Variants in ACSL4 observed in about 807,000 individuals in gnomAD.
The protein encoded by ACSL4 is acyl-CoA synthetase long chain family member 4, also known as long-chain-fatty-acid--CoA ligase 4.
Under a neutral mutation model 49.1 loss-of-function variants are expected in ACSL4, and 9 were observed. The observed-to-expected ratio is 0.18, with a 90% CI of 0.11 to 0.32. The LOEUF (loss-of-function observed/expected upper bound fraction) is 0.32. Ranked by LOEUF, ACSL4 falls within the 10% of genes least tolerant of loss-of-function variation. The pLI is 1.00. For missense variants in ACSL4, 333 were observed against 493.7 expected (o/e 0.67, Z 3.08); for synonymous variants, 191 against 170.3 (o/e 1.12, Z -0.95).
chrX:109,674,532 T>A, intron 8 of ACSL4, 59 bp from the exon 9 acceptor site: 1 of 837,400 alleles, frequency 1.2e-6, no homozygotes, highest in African/African-American at 2.0e-5. Flanking sequence ...ATGTTGTAAT[T>A]CAAGTATTAA....
chrX:109,651,274 A>G, intron 15 of ACSL4, among the ~76,000 whole-genome samples: 1 of 111,833 alleles, frequency 8.9e-6, no homozygotes, highest in Middle Eastern at 4.6e-3. Flanking sequence ...AGAAGCAAAC[A>G]TTCGCACATT....
intron 15 of ACSL4, among the ~76,000 whole-genome samples, chrX:109,645,090 G>T (rs1934604246): frequency 8.9e-6 from 1 of 112,148 alleles, no homozygotes; most frequent in Non-Finnish European, 1.9e-5. Context: ...CAGGGAGGCT[G>T]GGGGAGGGGC....
intron 1 of ACSL4, among the ~76,000 whole-genome samples, chrX:109,710,363 C>T (rs1224429872): frequency 6.2e-5 from 7 of 112,041 alleles, no homozygotes; most frequent in African/African-American, 1.3e-4. Context: ...TCATATACGA[C>T]GGGCAAGTAA....
At position 109,647,007 on chromosome X, in the gene ACSL4, A is replaced by G. The variant is rs1288869474; in HGVS notation, c.1856-2821T>C. 2.7e-5 allele frequency among the ~76,000 whole-genome samples: 3 copies of G among 111,926 alleles called. No individual in the cohort carries two copies. The Admixed American group carries it at 2.8e-4, about 11-fold the overall frequency. The stretch of plus-strand genomic sequence containing the variant: ...ATATATATGCACCTAATACAGGAGC[A>G]CCTAGATTCACAAAGCAAGTCGTGA... On this transcript the variant is annotated intron_variant, in intron 15 of 15. Transcript: ENST00000672401.
chrX:109,689,418 C>A (rs777694102), intron 2 of ACSL4, among the ~76,000 whole-genome samples: 1 of 111,992 alleles, frequency 8.9e-6, no homozygotes, highest in Non-Finnish European at 1.9e-5. Context: ...TGCTCAAAAT[C>A]TTTCAAAGAA....
chrX:109,718,819 CTT>C lies in ACSL4; in HGVS notation c.-66+14318_-66+14319del, dbSNP rs775338856. Among the ~76,000 whole-genome samples, 428 of 110,548 alleles carry C rather than the reference CTT, an allele frequency of 3.9e-3. 3 individuals are homozygous for C. The highest frequency in any genetic ancestry group is 7.1e-3 in the Non-Finnish European group (374 of 52,850). ...TACAATTTGTTGTTTAAATATGTCTCTTAAGTACAGACTAGATCTCAGATTAT... is the reference window on the plus strand; with the variant it reads ...TACAATTTGTTGTTTAAATATGTCTCAAGTACAGACTAGATCTCAGATTAT... On this transcript the variant is annotated intron_variant, in intron 1 of 15. Transcript: ENST00000672401.
intron 15 of ACSL4, among the ~76,000 whole-genome samples, chrX:109,651,287 T>TA (rs1315264678): frequency 1.8e-5 from 2 of 111,778 alleles, no homozygotes; most frequent in Non-Finnish European, 3.8e-5. Flanking sequence ...CGCACATTTT[T>TA]AAAAACTACT....
rs140611668 is a variant in ACSL4, at chrX:109,702,634, T to C, written c.-65-6438A>G. On this transcript the variant is annotated intron_variant, in intron 1 of 15. Transcript: ENST00000672401. ...AAAGAACCAGAGCTCTTTGGAGCAG[T>C]TGATTACGGGGCTGAGGCAGGAAAT... is the stretch of plus-strand genomic sequence containing the variant. Among the ~76,000 whole-genome samples, 398 of 112,145 alleles carry C rather than the reference T, an allele frequency of 3.5e-3. 2 individuals carry two copies. Among genetic ancestry groups the C allele is most frequent in the Admixed American group, 7.5e-3 (79 of 10,526 alleles).
At chrX:109,698,664 A>G (rs1925636548) in intron 1 of ACSL4, among the ~76,000 whole-genome samples, 1 of 111,910 alleles carries the variant, frequency 8.9e-6, no homozygotes, top group Non-Finnish European at 1.9e-5. Context: ...AGGGTTTATC[A>G]TCTTACAATT....
At chrX:109,674,526 T>C (rs1923523821) in intron 8 of ACSL4, 53 bp from the exon 9 acceptor site, 2 of 888,231 alleles carry the variant, frequency 2.3e-6, no homozygotes, top group Admixed American at 4.7e-5. Context: ...TAAAACATGT[T>C]GTAATTCAAG....
chrX:109,661,517 C>A lies in ACSL4; in HGVS notation c.1697+14G>T, dbSNP rs1380624343. On this transcript the variant is annotated intron_variant, in intron 14 of 15. Transcript: ENST00000672401. ...TTGACTTACGAAACAAAAAATACAA[C>A]TTTGGAAAGTTACCTTTTGGCAAAA... The A allele has an allele frequency of 8.6e-7, 1 of 1,162,561 alleles. No homozygotes were observed. Among genetic ancestry groups the A allele is most frequent in the African/African-American group, 1.8e-5 (1 of 56,929 alleles).
chrX:109,724,342 T>C (rs1927798230), intron 1 of ACSL4, among the ~76,000 whole-genome samples: 2 of 111,234 alleles, frequency 1.8e-5, no homozygotes, highest in Admixed American at 9.6e-5. Context: ...TGGAGTGACC[T>C]TGGATCGCTG....
In ACSL4 at chrX:109,681,231, C is replaced by T. The variant is rs186404093; in HGVS notation, c.516+35G>A. The stretch of plus-strand genomic sequence containing the variant: ...AATATTTTTCTGTCCTGCCAGACAA[C>T]GCAACCATGAATTAAAAGAAAATTT... On this transcript the variant is annotated intron_variant, in intron 5 of 15. Transcript: ENST00000672401. The T allele has an allele frequency of 1.7e-4, 205 of 1,198,079 alleles. No homozygotes were observed. In the African/African-American group the frequency reaches 2.9e-3, roughly 17 times the overall value.
intron 15 of ACSL4, 124 bp from the exon 16 acceptor site, chrX:109,644,310 C>T: frequency 1.6e-6 from 1 of 627,993 alleles, no homozygotes; most frequent in East Asian, 3.6e-5. Context: ...CAGGATTTAC[C>T]TAGATGATTC....
intron 14 of ACSL4, among the ~76,000 whole-genome samples, chrX:109,660,978 C>A (rs1440674421): frequency 9.1e-6 from 1 of 110,344 alleles, no homozygotes; most frequent in East Asian, 2.8e-4. Flanking sequence ...TTCCATTTTG[C>A]AAGAAAAAAA....
Position 109,684,620 on chromosome X carries a change from C to T in ACSL4, c.-12-1245G>A, listed in dbSNP as rs749474946. Among the ~76,000 whole-genome samples the T allele has an allele frequency of 6.2e-3, 695 of 112,289 alleles. 9 individuals are homozygous for T. Among genetic ancestry groups the T allele is most frequent in the African/African-American group, 0.022 (673 of 30,879 alleles). On this transcript the variant is annotated intron_variant, in intron 2 of 15. Coordinates refer to ENST00000672401, the MANE Select transcript of ACSL4 (RefSeq NM_001318510.2). ...TCCACTGAAAAGCCTTGTGGTAATACATAACTAATACATAACTACCATGTG... is the reference window on the plus strand; with the variant it reads ...TCCACTGAAAAGCCTTGTGGTAATATATAACTAATACATAACTACCATGTG...
At chrX:109,699,654 G>A (rs1925721709) in intron 1 of ACSL4, among the ~76,000 whole-genome samples, 1 of 111,684 alleles carries the variant, frequency 9.0e-6, no homozygotes, top group African/African-American at 3.3e-5. Flanking sequence ...TTAGCAAAAT[G>A]TACTTCAAAT....
At chrX:109,681,222 G>C (rs1227223788) in intron 5 of ACSL4, 44 bp downstream of exon 5, 2 of 1,195,189 alleles carry the variant, frequency 1.7e-6, no homozygotes, top group Non-Finnish European at 1.1e-6. Context: ...TTTCTGTCCT[G>C]CCAGACAACG....
intron 1 of ACSL4, among the ~76,000 whole-genome samples, chrX:109,700,403 G>A (rs771381240): frequency 2.8e-5 from 3 of 107,174 alleles, no homozygotes; most frequent in East Asian, 2.9e-4. Context: ...CGGGCACCAC[G>A]GTGCACGCCT....
Sources: gnomAD v4.1 joint callset for allele counts (sites outside exome capture counted in the v4.1 genomes callset) on GRCh38, gnomAD v4.1.1 for gene constraint, MANE v1.5 for transcripts, NCBI Gene and HGNC (gene_info 2026-07-23, HGNC 2026-07-21) for gene names.